The following SLC14A2 variants were observed in gnomAD, a reference collection of about 807,000 sequenced individuals.
SLC14A2 encodes the protein urea transporter 2.
A neutral mutation model predicts 104.6 loss-of-function variants in SLC14A2; 91 were observed. The ratio of observed to expected loss-of-function variants is 0.87; its 90% CI spans 0.73 to 1.04. SLC14A2 has a LOEUF of 1.04. Among genes scored for constraint, SLC14A2 ranks in the 50% least tolerant of loss-of-function variants. The pLI, the probability that SLC14A2 is intolerant of heterozygous loss-of-function variation, is 0.00. For missense variants in SLC14A2, 1,189 were observed against 1,156.0 expected (o/e 1.03, Z -0.41); for synonymous variants, 476 against 466.4 (o/e 1.02, Z -0.27).
chr18:45,371,776 A>C lies in SLC14A2; in HGVS notation c.-124-111457A>C, dbSNP rs181131668. 1.9e-4 allele frequency among the ~76,000 whole-genome samples: 29 copies of C among 152,336 alleles called. No individual in the cohort carries two copies. In the East Asian group the frequency reaches 5.4e-3, roughly 28 times the overall value. The stretch of plus-strand genomic sequence containing the variant: ...CCAGTTGTAAATGTTTGTTGGCTTC[A>C]TATCTGATTATTTTCTTTACTCAGT... On this transcript the variant is annotated intron_variant, in intron 1 of 20. Coordinates refer to the SLC14A2 transcript ENST00000586448.
At chr18:45,565,746 C>T (rs1160772704) in intron 2 of SLC14A2, among the ~76,000 whole-genome samples, 2 of 152,178 alleles carry the variant, frequency 1.3e-5, no homozygotes, top group Admixed American at 6.5e-5. Context: ...TGCCCTGACC[C>T]GCTTCTCCAC....
At chr18:45,657,035 T>G (rs2045848690) in intron 10 of SLC14A2, among the ~76,000 whole-genome samples, 1 of 152,218 alleles carries the variant, frequency 6.6e-6, no homozygotes, top group South Asian at 2.1e-4. Context: ...ATTCCATGCA[T>G]CTCTCATCCA....
chr18:45,225,372 C>T (rs957874500), intron 1 of SLC14A2, among the ~76,000 whole-genome samples: 31 of 152,026 alleles, frequency 2.0e-4, no homozygotes, highest in African/African-American at 7.5e-4. Flanking sequence ...GTTACCAGTA[C>T]CATGCTGTTT....
chr18:45,308,009 C>T (rs2085041237), intron 1 of SLC14A2, among the ~76,000 whole-genome samples: 1 of 152,052 alleles, frequency 6.6e-6, no homozygotes, highest in Non-Finnish European at 1.5e-5. Context: ...AGAATGGGAG[C>T]CCGAGAGAGA....
chr18:45,268,435 A>G (rs1231304407), intron 1 of SLC14A2, among the ~76,000 whole-genome samples: 1 of 152,250 alleles, frequency 6.6e-6, no homozygotes, highest in Non-Finnish European at 1.5e-5. Context: ...GGATAAATAA[A>G]TGGTACGATA....
At chr18:45,617,587 C>T (rs1480027725) in intron 1 of SLC14A2, among the ~76,000 whole-genome samples, 5 of 152,206 alleles carry the variant, frequency 3.3e-5, no homozygotes, top group African/African-American at 9.6e-5. Flanking sequence ...TAAGGCACCT[C>T]TCAGCCCAGC....
intron 2 of SLC14A2, among the ~76,000 whole-genome samples, chr18:45,508,233 CTA>C (rs2043313505): frequency 6.6e-6 from 1 of 152,206 alleles, no homozygotes; most frequent in African/African-American, 2.4e-5. Context: ...TTCTCTTCCT[CTA>C]TTAGTATTTG....
chr18:45,533,167 G>A (rs1274195964), intron 2 of SLC14A2, among the ~76,000 whole-genome samples: 1 of 152,048 alleles, frequency 6.6e-6, no homozygotes, highest in East Asian at 1.9e-4. Context: ...CTCTTTTTTG[G>A]TTGTGTCTCT....
intron 2 of SLC14A2, among the ~76,000 whole-genome samples, chr18:45,582,196 T>C (rs560570466): frequency 6.6e-5 from 10 of 152,298 alleles, no homozygotes; most frequent in African/African-American, 2.4e-4. Context: ...ACAAGAAGGG[T>C]TCACCATGGG....
chr18:45,226,147 A>G (rs151336017), intron 1 of SLC14A2, among the ~76,000 whole-genome samples: 17,181 of 152,228 alleles, frequency 0.11, 987 homozygotes, highest in Non-Finnish European at 0.12. Context: ...TAGAATGGCA[A>G]TCATTAAAAA....
rs185903716 is a variant in SLC14A2 at position 45,368,720 on chromosome 18, G to T, written c.-124-114513G>T. Among the ~76,000 whole-genome samples the T allele has an allele frequency of 2.9e-4, 44 of 152,278 alleles. No individual in the cohort carries two copies. In the East Asian group the frequency reaches 6.6e-3, roughly 23 times the overall value. On this transcript the variant is annotated intron_variant, in intron 1 of 20. Transcript: ENST00000586448. ...ACAAAAAGCAAGTGGAGACGAAAGG[G>T]CTCAAGACAAATCACAACCTGCTCT...
chr18:45,557,103 G>A (rs2044142967), intron 2 of SLC14A2, among the ~76,000 whole-genome samples: 1 of 152,216 alleles, frequency 6.6e-6, no homozygotes, highest in African/African-American at 2.4e-5. Flanking sequence ...TTGTTGTACA[G>A]TTCTCAGGTA....
chr18:45,340,014 G>T (rs1432082217), intron 1 of SLC14A2, among the ~76,000 whole-genome samples: 1 of 152,226 alleles, frequency 6.6e-6, no homozygotes, highest in Non-Finnish European at 1.5e-5. Context: ...AGATATTAGA[G>T]CATAGCCTCT....
intron 1 of SLC14A2, among the ~76,000 whole-genome samples, chr18:45,320,456 T>A (rs1156397256): frequency 6.6e-6 from 1 of 152,210 alleles, no homozygotes; most frequent in East Asian, 1.9e-4. Flanking sequence ...CCCAAAGACA[T>A]GACTCCCTGG....
chr18:45,672,901 T>C lies in SLC14A2; in HGVS notation c.2231T>C (p.Leu744Pro). Reference protein sequence around the residue: ...ITWSEVQVPLLLRAIPVGIGQ... With the variant: ...ITWSEVQVPLPLRAIPVGIGQ... Reference sequence around the variant, plus strand: ...CATGTAATCCTGTTATGCCTACAGCTTTTGAGAGCCATCCCCGTTGGAATT... The same window carrying C: ...CATGTAATCCTGTTATGCCTACAGCCTTTGAGAGCCATCCCCGTTGGAATT... Residue 744 changes from leucine (L) to proline (P), a missense_variant and splice_region_variant, in exon 17 of 20, where the codon CTT (leucine) becomes CCT (proline). Leu to Pro is a moderately conservative substitution (Grantham distance 98, BLOSUM62 -3). Transcript: ENST00000255226. The C allele has an allele frequency of 6.2e-7, 1 of 1,612,988 alleles. No homozygotes were observed. The highest frequency in any genetic ancestry group is 8.5e-7 in the Non-Finnish European group (1 of 1,179,464).
intron 1 of SLC14A2, among the ~76,000 whole-genome samples, chr18:45,378,509 C>T (rs899492674): frequency 2.0e-5 from 3 of 152,174 alleles, no homozygotes; most frequent in Admixed American, 6.5e-5. Context: ...AGTGATTCAG[C>T]AGAAAGCATT....
intron 10 of SLC14A2, among the ~76,000 whole-genome samples, chr18:45,653,208 C>CT (rs2045770252): frequency 6.6e-6 from 1 of 151,494 alleles, no homozygotes; most frequent in Admixed American, 6.6e-5. Flanking sequence ...GGCGACCGAC[C>CT]TCCCCTCCAC....
chr18:45,670,103 ACT>A (rs1325132544), intron 16 of SLC14A2, among the ~76,000 whole-genome samples: 1 of 151,974 alleles, frequency 6.6e-6, no homozygotes, highest in African/African-American at 2.4e-5. Context: ...ACTCCATGAG[ACT>A]CTATCTCCAA....
chr18:45,528,315 G>A lies in SLC14A2; in HGVS notation c.-35+44993G>A, dbSNP rs542330873. ...TACAGGGAGGTGGATATTTAAAGCT[G>A]CCATTAATCTTTCAATATCATTCCT... On this transcript the variant is annotated intron_variant, in intron 2 of 20. Transcript: ENST00000586448. The A allele has an allele frequency of 2.0e-5, 3 of 151,976 alleles. No individual in the cohort carries two copies. In the South Asian group the frequency reaches 6.2e-4, roughly 32 times the overall value. The allele number at this position is 151,976 out of a possible 1,614,324, so 9.4% of individuals were successfully genotyped here.
Sources: allele counts gnomAD v4.1 joint callset (sites outside exome capture counted in the v4.1 genomes callset), GRCh38; gene constraint gnomAD v4.1.1; transcripts MANE v1.5; gene names NCBI Gene and HGNC (gene_info 2026-07-23, HGNC 2026-07-21).